Variants in PCDHGA6 observed in about 807,000 individuals in gnomAD.
PCDHGA6 encodes the protein protocadherin gamma subfamily A, 6.
In PCDHGA6, 41 loss-of-function variants were observed where a neutral mutation model predicts 60.6. The observed-to-expected ratio is 0.68, with a 90% CI of 0.53 to 0.88. The LOEUF (loss-of-function observed/expected upper bound fraction) is 0.88. Ranked by LOEUF, PCDHGA6 falls within the 40% of genes least tolerant of loss-of-function variation. The pLI is 0.00. For synonymous variants in PCDHGA6, 594 were observed against 524.4 expected, an observed-to-expected ratio of 1.13 and a Z score of -1.81; for missense variants, 1,312 against 1,203.0, an observed-to-expected ratio of 1.09 and a Z score of -1.34.
chr5:141,432,264 C>A lies in PCDHGA6; in HGVS notation c.2424+55757C>A. On this transcript the variant is annotated intron_variant, in intron 1 of 3. Transcript: ENST00000517434. The surrounding 1 kb of genome is among the most constrained non-coding windows in gnomAD (Gnocchi z 6.0). Reference sequence around the variant, plus strand: ...AACACCATCCAAGGGGCAAGCCTATCGTCCTACGTGTCCATCAACTCCGAC... The same window carrying A: ...AACACCATCCAAGGGGCAAGCCTATAGTCCTACGTGTCCATCAACTCCGAC... 5 of 1,614,252 alleles carry A rather than the reference C, an allele frequency of 3.1e-6. No homozygotes were observed. Among genetic ancestry groups the A allele is most frequent in the Non-Finnish European group, 4.2e-6 (5 of 1,180,044 alleles).
At position 141,375,580 on chromosome 5, in the gene PCDHGA6, G is replaced by C; in HGVS notation, c.1497G>C (p.Ala499=). The C allele has an allele frequency of 1.9e-6, 3 of 1,614,092 alleles. 1 individual carries two copies. The highest frequency in any genetic ancestry group is 2.2e-5 in the South Asian group (2 of 91,078). The change falls in exon 1 of 4, where the codon GCG becomes GCC. Residue 499 remains alanine, a synonymous_variant. Transcript: ENST00000517434. ...TGGCAGAAGACACCCTCCAGGGGGC[G>C]CCCCTGTCCTCCTACGTGTCCATCA... ...YSLAEDTLQG[A]PLSSYVSINS...
At chr5:141,509,574 G>A (rs554778751) in intron 3 of PCDHGA6, among the ~76,000 whole-genome samples, 7 of 152,182 alleles carry the variant, frequency 4.6e-5, no homozygotes, top group Non-Finnish European at 5.9e-5. Flanking sequence ...TTCACAGTGC[G>A]TACAAATCAG....
chr5:141,490,205 C>A lies in PCDHGA6; in HGVS notation c.2425-4602C>A. 1 of 1,614,168 alleles carries A rather than the reference C, an allele frequency of 6.2e-7. No individual in the cohort carries two copies. The highest frequency in any genetic ancestry group is 8.5e-7 in the Non-Finnish European group (1 of 1,180,004). ...CGTTTCTATGAAATTCATGCAAGAG[C>A]CCGTGACCAGGGACAGCCTGCCATG... On this transcript the variant is annotated intron_variant, in intron 1 of 3. Transcript: ENST00000517434. This position sits in a 1 kb window ranked among gnomAD's most constrained non-coding sequence, Gnocchi z 5.4.
Position 141,477,649 on chromosome 5 carries a change from A to G in PCDHGA6, c.2425-17158A>G, listed in dbSNP as rs2099415032. 3.7e-6 allele frequency: 6 copies of G among 1,614,076 alleles called. No individual in the cohort carries two copies. Among genetic ancestry groups the G allele is most frequent in the Non-Finnish European group, 5.1e-6 (6 of 1,180,048 alleles). ...CCGGGCTAGTGGGTCGCTATTTCAC[A>G]ATAAATCGTGACAATGGCATAGTGT... On this transcript the variant is annotated intron_variant, in intron 1 of 3. Transcript: ENST00000517434. The surrounding 1 kb of genome is among the most constrained non-coding windows in gnomAD (Gnocchi z 4.9).
chr5:141,489,112 A>C lies in PCDHGA6; in HGVS notation c.2425-5695A>C. 3 of 412,420 alleles carry C rather than the reference A, an allele frequency of 7.3e-6. No individual in the cohort carries two copies. Among genetic ancestry groups the C allele is most frequent in the South Asian group, 4.2e-5 (1 of 23,838 alleles). The allele number at this position is 412,420 out of a possible 1,614,324, so 25.5% of individuals were successfully genotyped here. ...TGACTAAGAACTGCTGCAAGCAGGC[A>C]AACCTCCGAGCAGTTTTTAAGAGGC... is the stretch of plus-strand genomic sequence containing the variant. On this transcript the variant is annotated intron_variant, in intron 1 of 3. Coordinates refer to ENST00000517434, the MANE Select transcript of PCDHGA6 (RefSeq NM_018919.3). The surrounding 1 kb of genome is among the most constrained non-coding windows in gnomAD (Gnocchi z 4.5).
intron 2 of PCDHGA6, among the ~76,000 whole-genome samples, chr5:141,497,980 G>A (rs983045402): frequency 2.0e-5 from 3 of 152,168 alleles, no homozygotes; most frequent in African/African-American, 7.2e-5. Context: ...GATGTGGGAG[G>A]CCCCTGCCCT....
Position 141,470,005 on chromosome 5 carries a change from T to A in PCDHGA6, c.2425-24802T>A, listed in dbSNP as rs189976589. Reference sequence around the variant, plus strand: ...AATTAGCTGGTCGTCGTGGCACGCCTGTAATCCCAGCTACTCGGGATGCTG... The same window carrying A: ...AATTAGCTGGTCGTCGTGGCACGCCAGTAATCCCAGCTACTCGGGATGCTG... On this transcript the variant is annotated intron_variant, in intron 1 of 3. Coordinates refer to ENST00000517434, the MANE Select transcript of PCDHGA6 (RefSeq NM_018919.3). 2.4e-4 allele frequency among the ~76,000 whole-genome samples: 37 copies of A among 152,254 alleles called. 2 individuals carry two copies. The highest frequency in any genetic ancestry group is 7.2e-4 in the Admixed American group (11 of 15,274).
intron 1 of PCDHGA6, among the ~76,000 whole-genome samples, chr5:141,458,557 G>A (rs1258900717): frequency 6.9e-6 from 1 of 143,954 alleles, no homozygotes; most frequent in Non-Finnish European, 1.5e-5. Context: ...TGTTTGTTTT[G>A]GTTTTGGGTT....
chr5:141,423,562 A>C (rs374427537), intron 1 of PCDHGA6: 1 of 1,613,612 alleles, frequency 6.2e-7, no homozygotes, highest in African/African-American at 1.3e-5. Context: ...CTATGGGGAC[A>C]CGCTCATCAG....
At position 141,374,833 on chromosome 5, in the gene PCDHGA6, T is replaced by C; in HGVS notation, c.750T>C (p.Ser250=). ...PMFTQPVYRV[S]VPENLPVGTP... ...TTACTCAGCCTGTCTACCGTGTAAG[T>C]GTTCCTGAAAACCTGCCAGTAGGCA... Residue 250 remains serine (S), a synonymous_variant, in exon 1 of 4, where the codon AGT becomes AGC. Transcript: ENST00000517434. 7 of 1,613,930 alleles carry C rather than the reference T, an allele frequency of 4.3e-6. No individual in the cohort carries two copies. Among genetic ancestry groups the C allele is most frequent in the Non-Finnish European group, 5.9e-6 (7 of 1,179,894 alleles).
In PCDHGA6 at chr5:141,376,521, C is replaced by T. The variant is rs567480751; in HGVS notation, c.2424+14C>T. On this transcript the variant is annotated intron_variant, in intron 1 of 3. Transcript: ENST00000517434. ...AGGCAACTTCAGGTGAGTTTCTTTC[C>T]GCCTAAGCGGGAAGAGTAATCTGAT... is the stretch of plus-strand genomic sequence containing the variant. The T allele has an allele frequency of 3.1e-6, 5 of 1,613,810 alleles. No individual in the cohort carries two copies. Among genetic ancestry groups the T allele is most frequent in the East Asian group, 4.5e-5 (2 of 44,874 alleles).
rs754577584 is a variant in PCDHGA6, at chr5:141,384,611, G to A, written c.2424+8104G>A. The A allele has an allele frequency of 4.3e-6, 7 of 1,614,098 alleles. No individual in the cohort carries two copies. The highest frequency in any genetic ancestry group is 5.9e-6 in the Non-Finnish European group (7 of 1,180,050). On this transcript the variant is annotated intron_variant, in intron 1 of 3. Coordinates refer to ENST00000517434, the MANE Select transcript of PCDHGA6 (RefSeq NM_018919.3). ...CTGTACCCGGCCCTCCCCACAGATG[G>A]TTCTACTGGCATGGAGCTGGCACCC...
chr5:141,443,254 G>A (rs185181143), intron 1 of PCDHGA6, among the ~76,000 whole-genome samples: 30 of 152,006 alleles, frequency 2.0e-4, no homozygotes, highest in Admixed American at 1.6e-3. Context: ...GCCAAGGCGG[G>A]TGGATCACTT....
At chr5:141,408,557 G>A in intron 1 of PCDHGA6, 6 of 1,614,046 alleles carry the variant, frequency 3.7e-6, no homozygotes, top group Non-Finnish European at 5.1e-6. Flanking sequence ...TATTTTTCAT[G>A]TCATTGTGGT....
intron 1 of PCDHGA6, chr5:141,403,457 A>G: frequency 6.2e-7 from 1 of 1,613,982 alleles, no homozygotes; most frequent in Non-Finnish European, 8.5e-7. Context: ...CTCCCTCCAG[A>G]GCTACCAGCT....
At chr5:141,422,984 G>T in intron 1 of PCDHGA6, 2 of 1,614,230 alleles carry the variant, frequency 1.2e-6, no homozygotes, top group Non-Finnish European at 1.7e-6. Flanking sequence ...GCGGAACCTG[G>T]CTACCTGGTG....
At chr5:141,499,689 C>CTTT (rs545067566) in intron 2 of PCDHGA6, among the ~76,000 whole-genome samples, 57 of 119,830 alleles carry the variant, frequency 4.8e-4, no homozygotes, top group Non-Finnish European at 6.2e-4. Context: ...TAACAGATGA[C>CTTT]TTTTTTTTTT....
intron 1 of PCDHGA6, chr5:141,388,068 C>T (rs562398369): frequency 8.0e-6 from 11 of 1,373,194 alleles, no homozygotes; most frequent in Non-Finnish European, 1.1e-5. Flanking sequence ...CCAGGAGTTA[C>T]CGACTCGAAA....
chr5:141,384,106 A>G, intron 1 of PCDHGA6: 1 of 1,602,128 alleles, frequency 6.2e-7, no homozygotes, highest in Non-Finnish European at 8.5e-7. Flanking sequence ...TAATTATTAT[A>G]GATTGGTCAC....
Sources: allele counts gnomAD v4.1 joint callset (sites outside exome capture counted in the v4.1 genomes callset), GRCh38; gene constraint gnomAD v4.1.1; non-coding constraint Gnocchi (gnomAD v3.1); transcripts MANE v1.5; gene names NCBI Gene and HGNC (gene_info 2026-07-23, HGNC 2026-07-21).